The following KCNIP4 variants were observed in gnomAD, a reference collection of about 807,000 sequenced individuals.
The protein encoded by KCNIP4 is potassium voltage-gated channel interacting protein 4.
KCNIP4 carries 12 observed loss-of-function variants against 34.0 expected under a neutral mutation model. That is an observed-to-expected ratio of 0.35 (90% CI 0.23 to 0.57). The LOEUF is 0.57. Ranked by LOEUF, KCNIP4 falls within the 20% of genes least tolerant of loss-of-function variation. The pLI is 0.83. For synonymous variants in KCNIP4, 124 were observed against 102.2 expected, an observed-to-expected ratio of 1.21 and a Z score of -1.29; for missense variants, 238 against 311.7, an observed-to-expected ratio of 0.76 and a Z score of 1.78.
chr4:21,684,310 C>G (rs1750647279), intron 1 of KCNIP4, among the ~76,000 whole-genome samples: 2 of 152,058 alleles, frequency 1.3e-5, no homozygotes, highest in Admixed American at 6.6e-5. Flanking sequence ...AGAGGGTAGT[C>G]TTTGTGCATT....
At chr4:20,834,243 C>T (rs76069697) in intron 3 of KCNIP4, among the ~76,000 whole-genome samples, 66 of 152,246 alleles carry the variant, frequency 4.3e-4, no homozygotes, top group African/African-American at 1.1e-3. Flanking sequence ...GATCCCATGG[C>T]CCTGCCTAAG....
chr4:21,912,449 C>T (rs774243534), intron 1 of KCNIP4, among the ~76,000 whole-genome samples: 6 of 152,156 alleles, frequency 3.9e-5, no homozygotes, highest in Non-Finnish European at 2.9e-5. Context: ...ATGGAGTTTA[C>T]AATCTAGTGT....
chr4:21,583,487 T>G (rs2109077388), intron 1 of KCNIP4, among the ~76,000 whole-genome samples: 1 of 152,086 alleles, frequency 6.6e-6, no homozygotes, highest in South Asian at 2.1e-4. Flanking sequence ...CTATTAAGGT[T>G]GAGAATAGTC....
At chr4:21,267,170 A>T (rs1450203209) in intron 1 of KCNIP4, among the ~76,000 whole-genome samples, 1 of 152,174 alleles carries the variant, frequency 6.6e-6, no homozygotes, top group African/African-American at 2.4e-5. Flanking sequence ...CAAAAATGTC[A>T]TGTTGTTAAA....
At chr4:21,665,570 A>G (rs1748804141) in intron 1 of KCNIP4, among the ~76,000 whole-genome samples, 2 of 148,694 alleles carry the variant, frequency 1.3e-5, no homozygotes, top group South Asian at 4.5e-4. Context: ...ACACAAATGT[A>G]AAAACTAAAA....
chr4:21,624,703 GGTAAAAT>G (rs1462953686), intron 1 of KCNIP4, among the ~76,000 whole-genome samples: 4 of 151,944 alleles, frequency 2.6e-5, no homozygotes, highest in Non-Finnish European at 5.9e-5. Flanking sequence ...AAATAAAAAA[GGTAAAAT>G]ATAAAATCTG....
At chr4:20,864,965 A>G (rs965269720) in intron 2 of KCNIP4, among the ~76,000 whole-genome samples, 1 of 152,074 alleles carries the variant, frequency 6.6e-6, no homozygotes, top group Non-Finnish European at 1.5e-5. Context: ...AGAAGCAGAT[A>G]CTGATAATGG....
chr4:21,832,655 A>G (rs1723063676), intron 1 of KCNIP4, among the ~76,000 whole-genome samples: 1 of 150,044 alleles, frequency 6.7e-6, no homozygotes, highest in South Asian at 2.1e-4. Flanking sequence ...TTAGTTACAT[A>G]TGTATACATG....
At chr4:20,876,171 G>A (rs1724005319) in intron 2 of KCNIP4, among the ~76,000 whole-genome samples, 1 of 152,052 alleles carries the variant, frequency 6.6e-6, no homozygotes. Context: ...ATAAAAATGT[G>A]AACACATACA....
intron 1 of KCNIP4, among the ~76,000 whole-genome samples, chr4:21,749,171 TAGA>T (rs966447946): frequency 6.6e-6 from 1 of 152,154 alleles, no homozygotes; most frequent in African/African-American, 2.4e-5. Flanking sequence ...CAAAATTAAA[TAGA>T]AGAAGGGTTG....
chr4:20,885,380 C>G (rs1560542387), intron 1 of KCNIP4, among the ~76,000 whole-genome samples: 1 of 152,224 alleles, frequency 6.6e-6, no homozygotes, highest in Non-Finnish European at 1.5e-5. Context: ...TTTTGCATTT[C>G]TGACAATGAA....
At chr4:21,325,678 G>A (rs1287733756) in intron 1 of KCNIP4, among the ~76,000 whole-genome samples, 2 of 151,680 alleles carry the variant, frequency 1.3e-5, no homozygotes, top group Non-Finnish European at 2.9e-5. Flanking sequence ...TCTTTAAGAT[G>A]CTTTGCTGGA....
At chr4:21,250,394 G>T (rs191413698) in intron 1 of KCNIP4, among the ~76,000 whole-genome samples, 1,560 of 152,118 alleles carry the variant, frequency 0.01, 11 homozygotes, top group South Asian at 0.021. Context: ...CTTCACAAAT[G>T]ACAGTGAATA....
intron 1 of KCNIP4, among the ~76,000 whole-genome samples, chr4:21,912,313 T>C (rs1423003897): frequency 6.6e-6 from 1 of 152,158 alleles, no homozygotes; most frequent in Non-Finnish European, 1.5e-5. Context: ...TTTTTAGCAG[T>C]GTGTGAAAAG....
intron 4 of KCNIP4, among the ~76,000 whole-genome samples, chr4:20,753,980 A>G (rs1754085278): frequency 6.6e-6 from 1 of 152,180 alleles, no homozygotes; most frequent in Non-Finnish European, 1.5e-5. Context: ...ACATAAGTGC[A>G]TTCCTACAAC....
At chr4:21,150,223 C>T (rs1056551643) in intron 1 of KCNIP4, among the ~76,000 whole-genome samples, 3 of 152,094 alleles carry the variant, frequency 2.0e-5, no homozygotes, top group Non-Finnish European at 4.4e-5. Flanking sequence ...CCAGCAAACA[C>T]ATAGGGTATG....
At chr4:21,246,565 T>C (rs557772908) in intron 1 of KCNIP4, among the ~76,000 whole-genome samples, 43 of 152,292 alleles carry the variant, frequency 2.8e-4, no homozygotes, top group African/African-American at 1.0e-3. Flanking sequence ...TTTTGAATGA[T>C]GCTATTTTTG....
chr4:21,172,864 G>T (rs1256268895), intron 1 of KCNIP4, among the ~76,000 whole-genome samples: 1 of 152,098 alleles, frequency 6.6e-6, no homozygotes, highest in Non-Finnish European at 1.5e-5. Context: ...AAACAGAAAT[G>T]GAATTCATTA....
intron 1 of KCNIP4, chr4:20,984,049 G>A: frequency 7.0e-7 from 1 of 1,437,620 alleles, no homozygotes; most frequent in South Asian, 1.4e-5. Flanking sequence ...AGCAGCTCCT[G>A]GCAGATGCAC....
Sources: gnomAD v4.1 joint callset for allele counts (sites outside exome capture counted in the v4.1 genomes callset) on GRCh38, gnomAD v4.1.1 for gene constraint, MANE v1.5 for transcripts, NCBI Gene and HGNC (gene_info 2026-07-23, HGNC 2026-07-21) for gene names.